Variants in SLC20A1 observed in about 807,000 individuals in gnomAD.
The protein encoded by SLC20A1 is sodium-dependent phosphate transporter 1.
A neutral mutation model predicts 62.7 loss-of-function variants in SLC20A1; 28 were observed. The ratio of observed to expected loss-of-function variants is 0.45; its 90% CI spans 0.33 to 0.61. SLC20A1 has a LOEUF of 0.61. Among genes scored for constraint, SLC20A1 ranks in the 20% least tolerant of loss-of-function variants. The pLI, the probability that SLC20A1 is intolerant of heterozygous loss-of-function variation, is 0.02. For synonymous variants in SLC20A1, 305 were observed against 302.9 expected, an observed-to-expected ratio of 1.01 and a Z score of -0.07; for missense variants, 673 against 838.6, an observed-to-expected ratio of 0.80 and a Z score of 2.44.
intron 4 of SLC20A1, among the ~76,000 whole-genome samples, chr2:112,650,187 C>T (rs889694648): frequency 5.3e-5 from 8 of 152,168 alleles, no homozygotes; most frequent in African/African-American, 1.7e-4. Flanking sequence ...ACACAGGCTG[C>T]TACTTCAGAC....
chr2:112,659,784 T>C, intron 8 of SLC20A1, 22 bp downstream of exon 8: 1 of 1,587,254 alleles, frequency 6.3e-7, no homozygotes, highest in Non-Finnish European at 8.6e-7. Context: ...TTGATCTTAG[T>C]GTTGCTAACC....
At chr2:112,647,624 A>T (rs773435751) in intron 3 of SLC20A1, 29 bp from the exon 4 acceptor site, 1 of 1,598,408 alleles carries the variant, frequency 6.3e-7, no homozygotes, top group Non-Finnish European at 8.6e-7. Flanking sequence ...TCATTATTTG[A>T]TATTTTTTCT....
At chr2:112,648,143 G>T (rs897047531) in intron 4 of SLC20A1, among the ~76,000 whole-genome samples, 2 of 152,036 alleles carry the variant, frequency 1.3e-5, no homozygotes, top group African/African-American at 4.8e-5. Flanking sequence ...AGTTAAATGG[G>T]TCTCTGCCGT....
chr2:112,647,776 C>A, intron 4 of SLC20A1, 38 bp downstream of exon 4: 1 of 1,485,650 alleles, frequency 6.7e-7, no homozygotes, highest in Non-Finnish European at 9.4e-7. Flanking sequence ...TTTCATGGAG[C>A]ACACCCAATC....
In SLC20A1 at chr2:112,659,770, G is replaced by C; in HGVS notation, c.1607+8G>C. 6.2e-7 allele frequency: 1 copy of C among 1,603,528 alleles called. No individual in the cohort carries two copies. The highest frequency in any genetic ancestry group is 1.1e-5 in the South Asian group (1 of 90,168). ...TGGTGGCAATGACGTAAGGTCAGTT[G>C]ACATTGATCTTAGTGTTGCTAACCC... On this transcript the variant is annotated splice_region_variant and intron_variant, in intron 8 of 10. Transcript: ENST00000272542.
intron 5 of SLC20A1, among the ~76,000 whole-genome samples, chr2:112,653,884 C>G (rs952937749): frequency 6.6e-6 from 1 of 152,132 alleles, no homozygotes; most frequent in Non-Finnish European, 1.5e-5. Context: ...CCTCTACCTC[C>G]CGGGTTCAAG....
intron 5 of SLC20A1, 49 bp from the exon 6 acceptor site, chr2:112,657,073 A>C: frequency 1.2e-6 from 2 of 1,611,908 alleles, no homozygotes; most frequent in South Asian, 2.2e-5. Context: ...ACAATATTGC[A>C]GGGGGCTGTT....
chr2:112,656,349 A>G (rs1686585486), intron 5 of SLC20A1, among the ~76,000 whole-genome samples: 1 of 151,448 alleles, frequency 6.6e-6, no homozygotes, highest in South Asian at 2.1e-4. Context: ...GGCGCCCACC[A>G]CCATGCCCGG....
At chr2:112,652,531 T>A in intron 4 of SLC20A1, 171 bp from the exon 5 acceptor site, 1 of 600,358 alleles carries the variant, frequency 1.7e-6, no homozygotes, top group East Asian at 2.8e-5. Flanking sequence ...GAATTAGCCT[T>A]CGTAGGAAGA....
intron 2 of SLC20A1, 60 bp downstream of exon 2, chr2:112,647,222 G>C (rs1227672425): frequency 1.3e-6 from 2 of 1,582,422 alleles, no homozygotes; most frequent in African/African-American, 1.4e-5. Context: ...TATCATGGGT[G>C]GTTCCATTTT....
At position 112,659,791 on chromosome 2, in the gene SLC20A1, A is replaced by G. The variant is rs138939931; in HGVS notation, c.1607+29A>G. ...AGTTGACATTGATCTTAGTGTTGCT[A>G]ACCCTATTTTTAAACCATTTATCCT... On this transcript the variant is annotated intron_variant, in intron 8 of 10. Transcript: ENST00000272542. 50 of 1,576,496 alleles carry G rather than the reference A, an allele frequency of 3.2e-5. No individual in the cohort carries two copies. The African/African-American group carries it at 6.3e-4, about 20-fold the overall frequency.
chr2:112,660,759 A>G (rs1160549653), intron 9 of SLC20A1, 187 bp downstream of exon 9: 2 of 575,984 alleles, frequency 3.5e-6, no homozygotes, highest in African/African-American at 1.9e-5. Flanking sequence ...CATTTTACCC[A>G]TTTAGCTCTG....
At chr2:112,660,212 A>G (rs1016151414) in intron 8 of SLC20A1, among the ~76,000 whole-genome samples, 175 bp from the exon 9 acceptor site, 5 of 152,270 alleles carry the variant, frequency 3.3e-5, no homozygotes, top group Admixed American at 1.3e-4. Flanking sequence ...AGCTGTGTTC[A>G]TTTTTCTGTT....
At chr2:112,652,262 G>A (rs115480286) in intron 4 of SLC20A1, 2,445 of 163,512 alleles carry the variant, frequency 0.015, 57 homozygotes, top group African/African-American at 0.055. Flanking sequence ...GATGGTTGGC[G>A]TACGCATAGT....
intron 8 of SLC20A1, among the ~76,000 whole-genome samples, chr2:112,659,963 T>C (rs1686702895): frequency 6.6e-6 from 1 of 152,250 alleles, no homozygotes; most frequent in African/African-American, 2.4e-5. Flanking sequence ...TGTTTATTTT[T>C]GTAGATGATA....
At position 112,646,705 on chromosome 2, in the gene SLC20A1, T is replaced by G; in HGVS notation, c.-124T>G. The G allele has an allele frequency of 2.6e-6, 1 of 385,246 alleles. No individual in the cohort carries two copies. The highest frequency in any genetic ancestry group is 4.2e-6 in the Non-Finnish European group (1 of 239,030). The allele number at this position is 385,246 out of a possible 1,614,324, so 23.9% of individuals were successfully genotyped here. A position where few individuals can be genotyped will look rare whatever the true frequency, so the allele number is the denominator to read the frequency against. On this transcript the variant is annotated 5_prime_UTR_variant, in exon 2 of 11. Transcript: ENST00000272542. ...CCCAGCTCGGTTTCTGTGCCGTAGT[T>G]TACAGTATTTAATTTTATATAATAT...
chr2:112,660,067 T>A (rs537713873), intron 8 of SLC20A1, among the ~76,000 whole-genome samples: 11 of 152,252 alleles, frequency 7.2e-5, no homozygotes, highest in Non-Finnish European at 1.0e-4. Flanking sequence ...AGATGTAAGA[T>A]GAAAAACTTA....
At chr2:112,652,645 T>C in intron 4 of SLC20A1, 57 bp from the exon 5 acceptor site, 1 of 1,377,214 alleles carries the variant, frequency 7.3e-7, no homozygotes, top group African/African-American at 1.4e-5. Flanking sequence ...AAAGATTCTG[T>C]GGAAATGGGT....
At chr2:112,647,616 A>G (rs781419947) in intron 3 of SLC20A1, 37 bp from the exon 4 acceptor site, 1 of 1,597,502 alleles carries the variant, frequency 6.3e-7, no homozygotes, top group East Asian at 2.2e-5. Context: ...TCTGATTTTC[A>G]TTATTTGATA....
Sources: gnomAD v4.1 joint callset for allele counts (sites outside exome capture counted in the v4.1 genomes callset) on GRCh38, gnomAD v4.1.1 for gene constraint, MANE v1.5 for transcripts, NCBI Gene and HGNC (gene_info 2026-07-23, HGNC 2026-07-21) for gene names.